ZFYVE1: variants seen among roughly 807,000 people sequenced by gnomAD.
The protein encoded by ZFYVE1 is zinc finger FYVE domain-containing protein 1.
ZFYVE1 carries 30 observed loss-of-function variants against 74.4 expected under a neutral mutation model. The ratio of observed to expected loss-of-function variants is 0.40; its 90% CI spans 0.30 to 0.55. The LOEUF (loss-of-function observed/expected upper bound fraction) is 0.55, where lower values mean the gene tolerates loss of function less well. Among genes scored for constraint, ZFYVE1 ranks in the 20% least tolerant of loss-of-function variants. The probability of loss-of-function intolerance (pLI) is 0.42; values close to 1 mark genes in which losing one functional copy is unlikely to be tolerated. For synonymous variants in ZFYVE1, 335 were observed against 385.1 expected (o/e 0.87, Z 1.52); for missense variants, 703 against 1,011.6 (o/e 0.69, Z 4.14).
chr14:72,991,087 G>C (rs957240686), intron 4 of ZFYVE1, among the ~76,000 whole-genome samples: 4 of 151,708 alleles, frequency 2.6e-5, no homozygotes, highest in Admixed American at 6.6e-5. Flanking sequence ...CTCAAAGCCA[G>C]TAATAAATTG....
At chr14:73,016,797 C>T (rs1050868817) in intron 2 of ZFYVE1, among the ~76,000 whole-genome samples, 14 of 151,878 alleles carry the variant, frequency 9.2e-5, no homozygotes, top group Non-Finnish European at 1.9e-4. Flanking sequence ...TCACTTGAAC[C>T]CAGGAGTCAG....
At chr14:73,023,359 A>ATATATAATATATATTC (rs1894380049) in intron 2 of ZFYVE1, among the ~76,000 whole-genome samples, 2 of 54,936 alleles carry the variant, frequency 3.6e-5, no homozygotes, top group Non-Finnish European at 3.6e-5. Context: ...AATATATATT[A>ATATATAATATATATTC]TATATGTTTT....
chr14:72,977,195 G>T (rs1349153393), intron 8 of ZFYVE1, among the ~76,000 whole-genome samples: 1 of 152,212 alleles, frequency 6.6e-6, no homozygotes, highest in African/African-American at 2.4e-5. Flanking sequence ...GTCACCTGAG[G>T]TCGGGAGTTT....
chr14:72,985,389 G>A (rs1338267562), intron 4 of ZFYVE1, among the ~76,000 whole-genome samples: 1 of 152,080 alleles, frequency 6.6e-6, no homozygotes, highest in Non-Finnish European at 1.5e-5. Flanking sequence ...TTGGAGTGCA[G>A]TGGCATGATC....
chr14:72,993,497 G>C (rs1893672656), intron 3 of ZFYVE1, 140 bp from the exon 4 acceptor site: 6 of 660,874 alleles, frequency 9.1e-6, no homozygotes, highest in Non-Finnish European at 1.5e-5. Context: ...GAGGTCAGGA[G>C]TTCAGCCTGG....
chr14:73,005,939 TGAGACG>T (rs959917932), intron 2 of ZFYVE1, among the ~76,000 whole-genome samples: 3 of 151,982 alleles, frequency 2.0e-5, no homozygotes, highest in African/African-American at 7.2e-5. Context: ...TTTTTTTTTA[TGAGACG>T]GAGTCTCACT....
At chr14:73,021,927 CAA>C (rs1027046159) in intron 2 of ZFYVE1, among the ~76,000 whole-genome samples, 3 of 152,040 alleles carry the variant, frequency 2.0e-5, no homozygotes, top group African/African-American at 7.2e-5. Flanking sequence ...TTCTCCTCCC[CAA>C]AAAAACATTC....
At chr14:72,991,363 G>A (rs1893608407) in intron 4 of ZFYVE1, among the ~76,000 whole-genome samples, 1 of 152,072 alleles carries the variant, frequency 6.6e-6, no homozygotes, top group Non-Finnish European at 1.5e-5. Flanking sequence ...CTAATTTTTT[G>A]TATTTTTAGT....
rs978320167 is a variant in ZFYVE1, at chr14:72,974,901, G to A, written c.1865C>T (p.Ala622Val). The stretch of plus-strand genomic sequence containing the variant: ...GCTGTCACAGAAGCCCTCCCCACAG[G>A]CTCGGCAGTGATGCTTAGTGTCGTT... ...KDNDTKHHCR[A>V]CGEGFCDSCS... The change falls in exon 10 of 12, where the codon GCC becomes GTC. Residue 622 changes from alanine to valine, a missense_variant. Coordinates refer to ENST00000556143, the MANE Select transcript of ZFYVE1 (RefSeq NM_021260.4). The A allele has an allele frequency of 2.5e-6, 4 of 1,614,070 alleles. No homozygotes were observed. The highest frequency in any genetic ancestry group is 2.2e-5 in the East Asian group (1 of 44,886).
intron 11 of ZFYVE1, 28 bp downstream of exon 11, chr14:72,974,052 C>A: frequency 6.2e-7 from 1 of 1,606,732 alleles, no homozygotes; most frequent in East Asian, 2.2e-5. Context: ...GCATCCACTA[C>A]CCCCAAGAGA....
chr14:72,988,481 C>G (rs1394348604), intron 4 of ZFYVE1, among the ~76,000 whole-genome samples: 2 of 149,946 alleles, frequency 1.3e-5, no homozygotes, highest in African/African-American at 2.4e-5. Context: ...GGCCTAATAA[C>G]TTTTTTTTTA....
chr14:72,983,353 C>T (rs539499744), intron 4 of ZFYVE1, among the ~76,000 whole-genome samples: 1 of 131,900 alleles, frequency 7.6e-6, no homozygotes, highest in African/African-American at 2.8e-5. Flanking sequence ...CCCCCTCCCC[C>T]CCACCCCACC....
chr14:72,978,156 C>T lies in ZFYVE1; in HGVS notation c.1498G>A (p.Ala500Thr). 6.2e-7 allele frequency: 1 copy of T among 1,614,214 alleles called. No homozygotes were observed. Among genetic ancestry groups the T allele is most frequent in the Non-Finnish European group, 8.5e-7 (1 of 1,180,034 alleles). The change falls in exon 7 of 12, where the codon GCA (alanine) becomes ACA (threonine). Residue 500 changes from alanine (A) to threonine (T), a missense_variant. Coordinates refer to ENST00000556143, the MANE Select transcript of ZFYVE1 (RefSeq NM_021260.4). ...ASTDSPWMGL[A>T]KYAWSGYVIE... ...ACTCACCCAGACCAGGCATATTTTG[C>T]GAGACCCATCCAGGGGGAGTCAGTG...
At chr14:72,981,022 A>G (rs1341120809) in intron 5 of ZFYVE1, among the ~76,000 whole-genome samples, 1 of 152,090 alleles carries the variant, frequency 6.6e-6, no homozygotes, top group Non-Finnish European at 1.5e-5. Flanking sequence ...CGGTCCACAA[A>G]CCAAAGGCAC....
chr14:73,016,144 T>C (rs773287708), intron 2 of ZFYVE1, among the ~76,000 whole-genome samples: 21 of 152,152 alleles, frequency 1.4e-4, no homozygotes, highest in Non-Finnish European at 2.8e-4. Flanking sequence ...ACTTATTTGC[T>C]AAGGTGTTGC....
At chr14:72,973,670 C>A (rs1893093162) in intron 11 of ZFYVE1, among the ~76,000 whole-genome samples, 1 of 152,152 alleles carries the variant, frequency 6.6e-6, no homozygotes, top group Admixed American at 6.5e-5. Context: ...CTAACTGTCC[C>A]TGCCAAGGCA....
intron 2 of ZFYVE1, among the ~76,000 whole-genome samples, chr14:73,004,783 A>G (rs1202102411): frequency 1.3e-5 from 2 of 152,140 alleles, no homozygotes; most frequent in Admixed American, 1.3e-4. Flanking sequence ...GGATCACTTG[A>G]GCCCAGGGGT....
At chr14:72,998,376 A>C in intron 2 of ZFYVE1, 61 bp from the exon 3 acceptor site, 2 of 1,418,840 alleles carry the variant, frequency 1.4e-6, no homozygotes, top group African/African-American at 1.4e-5. Flanking sequence ...AGAAACACCT[A>C]CAAGAAGAAG....
At chr14:73,026,471 G>A (rs1329287526) in intron 1 of ZFYVE1, among the ~76,000 whole-genome samples, 2 of 152,062 alleles carry the variant, frequency 1.3e-5, no homozygotes, top group Non-Finnish European at 2.9e-5. Context: ...GTGACTAGGG[G>A]ATCTTATTTA....
Sources: allele counts gnomAD v4.1 joint callset (sites outside exome capture counted in the v4.1 genomes callset), GRCh38; gene constraint gnomAD v4.1.1; transcripts MANE v1.5; gene names NCBI Gene and HGNC (gene_info 2026-07-23, HGNC 2026-07-21).